RNF207: variants seen among roughly 807,000 people sequenced by gnomAD.
The protein encoded by RNF207 is OTTHUMG00000001089.
RNF207 carries 72 observed loss-of-function variants against 79.0 expected under a neutral mutation model. The ratio of observed to expected loss-of-function variants is 0.91; its 90% CI spans 0.75 to 1.11. The LOEUF (loss-of-function observed/expected upper bound fraction) is 1.11. Among genes scored for constraint, RNF207 ranks in the 50% least tolerant of loss-of-function variants. The pLI is 0.00. For missense variants in RNF207, 936 were observed against 855.8 expected, an observed-to-expected ratio of 1.09 and a Z score of -1.17; for synonymous variants, 348 against 366.2, an observed-to-expected ratio of 0.95 and a Z score of 0.57.
rs1245671851 is a variant in RNF207 at position 6,217,207 on chromosome 1, G to A, written c.1653-1082G>A. 2.0e-5 allele frequency among the ~76,000 whole-genome samples: 3 copies of A among 152,040 alleles called. No individual in the cohort carries two copies. The highest frequency in any genetic ancestry group is 2.9e-5 in the Non-Finnish European group (2 of 68,002). ...ACCTTCTCTTTGCTGACAGCCCCGC[G>A]CTCCCATGCTCCTGCCAGCCTCTCC... On this transcript the variant is annotated intron_variant, in intron 16 of 17. Coordinates refer to ENST00000377939, the MANE Select transcript of RNF207 (RefSeq NM_207396.3). This position sits in a 1 kb window ranked among gnomAD's most constrained non-coding sequence, Gnocchi z 4.2.
intron 16 of RNF207, among the ~76,000 whole-genome samples, chr1:6,216,249 A>G (rs928572942): frequency 2.0e-5 from 3 of 152,174 alleles, no homozygotes; most frequent in Non-Finnish European, 4.4e-5. Flanking sequence ...GGTGGGGACA[A>G]CGTCCTGGGT....
At chr1:6,216,684 A>C (rs1571214081) in intron 16 of RNF207, among the ~76,000 whole-genome samples, 3 of 142,652 alleles carry the variant, frequency 2.1e-5, no homozygotes, top group African/African-American at 5.3e-5. Context: ...TCTCGCCCTC[A>C]CGAGTAGCTG....
intron 9 of RNF207, 23 bp downstream of exon 9, chr1:6,210,318 G>T (rs1484863738): frequency 6.2e-7 from 1 of 1,613,340 alleles, no homozygotes; most frequent in East Asian, 2.2e-5. Flanking sequence ...CGGGGTGCGG[G>T]TGGGTCCCTC....
At chr1:6,210,092 G>A (rs1221760082) in intron 8 of RNF207, 122 bp downstream of exon 8, 6 of 1,314,426 alleles carry the variant, frequency 4.6e-6, no homozygotes, top group Non-Finnish European at 6.4e-6. Context: ...TCCCAGCTAA[G>A]GAGGGCAGCA....
chr1:6,213,296 G>A (rs12059915), intron 16 of RNF207, 113 bp downstream of exon 16: 34,890 of 620,864 alleles, frequency 0.056, 1,980 homozygotes, highest in African/African-American at 0.22. Flanking sequence ...TGAGGTGGGC[G>A]GATAACCTGA....
rs2100953293 is a variant in RNF207 at position 6,220,816 on chromosome 1, A to G, written c.*1409A>G. On this transcript the variant is annotated 3_prime_UTR_variant, in exon 18 of 18. Coordinates refer to ENST00000377939, the MANE Select transcript of RNF207 (RefSeq NM_207396.3). ...TTAAAAAGTAACCCACGTGACGTAA[A>G]ATTTTACAAGTTTTTGTGGCAAAAT... The G allele has an allele frequency of 6.6e-6, 1 of 152,224 alleles. No homozygotes were observed. Among genetic ancestry groups the G allele is most frequent in the East Asian group, 1.9e-4 (1 of 5,190 alleles). 9.4% of individuals were successfully genotyped at this position (152,224 alleles called of 1,614,324 possible). A position where few individuals can be genotyped will look rare whatever the true frequency, so the allele number is the denominator to read the frequency against.
chr1:6,206,588 C>G lies in RNF207; in HGVS notation c.53C>G (p.Pro18Arg), dbSNP rs1557581067. Reference protein sequence around the residue: ...PLEGPSSLDAPSIHPLVCPLC... With the variant: ...PLEGPSSLDARSIHPLVCPLC... ...GAGGGCCCGAGCTCCCTGGATGCCCCGAGCATCCACCCGCTGGTGTGCCCG... is the reference window on the plus strand; with the variant it reads ...GAGGGCCCGAGCTCCCTGGATGCCCGGAGCATCCACCCGCTGGTGTGCCCG... The change falls in exon 2 of 18, where the codon CCG becomes CGG. Residue 18 changes from proline (P) to arginine (R), a missense_variant. Physicochemically the swap from Pro to Arg is moderately radical, Grantham distance 103. Transcript: ENST00000377939. 1 of 1,603,520 alleles carries G rather than the reference C, an allele frequency of 6.2e-7. No homozygotes were observed. The highest frequency in any genetic ancestry group is 1.7e-5 in the Admixed American group (1 of 59,892).
At chr1:6,215,966 T>C (rs1019893176) in intron 16 of RNF207, among the ~76,000 whole-genome samples, 2 of 152,206 alleles carry the variant, frequency 1.3e-5, no homozygotes, top group African/African-American at 2.4e-5. Context: ...AGGGTGGTAC[T>C]TCCTTGGAGG....
In RNF207 at chr1:6,211,838, C is replaced by G. The variant is rs115140602; in HGVS notation, c.1110-29C>G. On this transcript the variant is annotated intron_variant, in intron 12 of 17. Transcript: ENST00000377939. This position sits in a 1 kb window ranked among gnomAD's most constrained non-coding sequence, Gnocchi z 4.2. The stretch of plus-strand genomic sequence containing the variant: ...GGGGGAGGGGCAGACTTCCCCACCC[C>G]CCTGCATCCACACTGGCTCTCTCCC... 5,311 of 1,527,544 alleles carry G rather than the reference C, an allele frequency of 3.5e-3. 143 individuals carry two copies. The African/African-American group carries it at 0.055, about 16-fold the overall frequency. The allele number at this position is 1,527,544 out of a possible 1,614,324, so 94.6% of individuals were successfully genotyped here.
rs746659122 is a variant in RNF207, at chr1:6,207,473, G to A, written c.286G>A (p.Val96Met). The A allele has an allele frequency of 6.3e-7, 1 of 1,596,006 alleles. No homozygotes were observed. The highest frequency in any genetic ancestry group is 2.2e-5 in the East Asian group (1 of 44,650). The change falls in exon 3 of 18, where the codon GTG becomes ATG. Residue 96 changes from valine to methionine, a missense_variant. Val to Met is a conservative substitution (Grantham distance 21, BLOSUM62 1). Coordinates refer to ENST00000377939, the MANE Select transcript of RNF207 (RefSeq NM_207396.3). This position sits in a 1 kb window ranked among gnomAD's most constrained non-coding sequence, Gnocchi z 4.5. ...CAGCTCAGGGGATGGCGTGGAGGCG[G>A]TGCGCTGTGCCAACTGTGACCTGGA... ...VDSSGDGVEA[V>M]RCANCDLECS...
Position 6,219,386 on chromosome 1 carries a change from A to G in RNF207, c.1884A>G (p.Thr628=). The G allele has an allele frequency of 6.2e-7, 1 of 1,608,396 alleles. No homozygotes were observed. The highest frequency in any genetic ancestry group is 8.5e-7 in the Non-Finnish European group (1 of 1,177,590). Residue 628 remains threonine (T), a synonymous_variant, in exon 18 of 18, where the codon ACA becomes ACG. Transcript: ENST00000377939. ...SKQKNGGDVP[T]WREHPT Reference sequence around the variant, plus strand: ...AGAAAAATGGGGGCGATGTCCCCACATGGAGGGAACACCCGACTTAGCAAA... The same window carrying G: ...AGAAAAATGGGGGCGATGTCCCCACGTGGAGGGAACACCCGACTTAGCAAA...
In RNF207 at chr1:6,206,556, GC is replaced by G. The variant is rs1313319721; in HGVS notation, c.25del (p.Leu9TrpfsTer61). On this transcript the variant is annotated frameshift_variant, in exon 2 of 18. Coordinates refer to ENST00000377939, the MANE Select transcript of RNF207 (RefSeq NM_207396.3). LOFTEE classifies it high-confidence loss of function. ...TGCAGATGTCGGGAGCTATCTTCGGGCCCCTGGAGGGCCCGAGCTCCCTGGA... is the reference window on the plus strand; with the variant it reads ...TGCAGATGTCGGGAGCTATCTTCGGGCCCTGGAGGGCCCGAGCTCCCTGGA... MSGAIFGPLEGPSSLDAP... is the reference protein window; with the variant it reads MSGAIFGXLEGPSSLDAP... 1 of 1,589,622 alleles carries G rather than the reference GC, an allele frequency of 6.3e-7. No individual in the cohort carries two copies. Among genetic ancestry groups the G allele is most frequent in the African/African-American group, 1.3e-5 (1 of 74,626 alleles).
Position 6,218,304 on chromosome 1 carries a change from G to C in RNF207, c.1668G>C (p.Val556=). The change falls in exon 17 of 18, where the codon GTG becomes GTC. Residue 556 remains valine (V), a synonymous_variant. Transcript: ENST00000377939. ...CCCTTGCCAGGTTTCAGGCACCCGT[G>C]GATGAGCAGTCAGAGAGTCTACAGA... ...ERLEPRFQAP[V]DEQSESLQNT... is the part of the protein sequence containing the mutation. 1.9e-6 allele frequency: 3 copies of C among 1,613,988 alleles called. No homozygotes were observed. Among genetic ancestry groups the C allele is most frequent in the Non-Finnish European group, 2.5e-6 (3 of 1,179,848 alleles).
intron 13 of RNF207, 79 bp from the exon 14 acceptor site, chr1:6,212,152 G>A: frequency 6.5e-7 from 1 of 1,547,218 alleles, no homozygotes; most frequent in Non-Finnish European, 8.8e-7. Context: ...GCTGAAGCTG[G>A]GAGCCATTCC....
rs772383759 is a variant in RNF207, at chr1:6,212,368, C to A, written c.1434C>A (p.Ile478=). ...AGTCCCTGCAACTGGACGTGCAGAT[C>A]GCCTCGGAGCACGCCTCCTTAGAGG... ...LHKSLQLDVQ[I]ASEHASLEGM... The change falls in exon 14 of 18, where the codon ATC becomes ATA. Residue 478 remains isoleucine (I), a synonymous_variant. Transcript: ENST00000377939. 1.2e-6 allele frequency: 2 copies of A among 1,613,512 alleles called. No individual in the cohort carries two copies. The highest frequency in any genetic ancestry group is 3.3e-5 in the Admixed American group (2 of 59,958).
intron 10 of RNF207, chr1:6,210,667 A>C (rs1478830177): frequency 1.2e-5 from 8 of 644,648 alleles, no homozygotes; most frequent in Non-Finnish European, 2.2e-5. Context: ...GGGCGGAGTG[A>C]CCACTGGAGT....
chr1:6,207,453 C>T lies in RNF207; in HGVS notation c.266C>T (p.Ser89Leu). 6.3e-7 allele frequency: 1 copy of T among 1,581,362 alleles called. No individual in the cohort carries two copies. The highest frequency in any genetic ancestry group is 1.2e-5 in the South Asian group (1 of 85,172). Residue 89 changes from serine (S) to leucine (L), a missense_variant, in exon 3 of 18, where the codon TCA becomes TTA. Ser to Leu is a moderately radical substitution (Grantham distance 145). Transcript: ENST00000377939. This position sits in a 1 kb window ranked among gnomAD's most constrained non-coding sequence, Gnocchi z 4.5. ...DRLLQFLVDS[S>L]GDGVEAVRCA... ...CTGCTGCAGTTCCTGGTGGACAGCT[C>T]AGGGGATGGCGTGGAGGCGGTGCGC...
chr1:6,209,488 C>G lies in RNF207; in HGVS notation c.702C>G (p.His234Gln). The G allele has an allele frequency of 6.7e-7, 1 of 1,483,888 alleles. No individual in the cohort carries two copies. The highest frequency in any genetic ancestry group is 8.9e-7 in the Non-Finnish European group (1 of 1,125,304). 91.9% of individuals were successfully genotyped at this position (1,483,888 alleles called of 1,614,324 possible). A position where few individuals can be genotyped will look rare whatever the true frequency, so the allele number is the denominator to read the frequency against. ...AGGCCATGGTGGAGGAGGTGCGGCACAGCGCCGCCGAGGAGGAGGACGCTA... is the reference window on the plus strand; with the variant it reads ...AGGCCATGGTGGAGGAGGTGCGGCAGAGCGCCGCCGAGGAGGAGGACGCTA... ...LLQAMVEEVR[H>Q]SAAEEEDAIH... is the part of the protein sequence containing the mutation. The change falls in exon 7 of 18, where the codon CAC (histidine) becomes CAG (glutamine). Residue 234 changes from histidine to glutamine, a missense_variant. Transcript: ENST00000377939.
At chr1:6,209,375 G>T in intron 6 of RNF207, 32 bp downstream of exon 6, 1 of 1,526,934 alleles carries the variant, frequency 6.5e-7, no homozygotes. Flanking sequence ...GCGGGGCCGC[G>T]CGGCGGCGAT....
Sources: allele counts gnomAD v4.1 joint callset (sites outside exome capture counted in the v4.1 genomes callset), GRCh38; gene constraint gnomAD v4.1.1; non-coding constraint Gnocchi (gnomAD v3.1); transcripts MANE v1.5; gene names NCBI Gene and HGNC (gene_info 2026-07-23, HGNC 2026-07-21).